Variants in GLT1D1 observed in about 807,000 individuals in gnomAD.
The protein encoded by GLT1D1 is glycosyltransferase 1 domain-containing protein 1.
GLT1D1 carries 21 observed loss-of-function variants against 28.7 expected under a neutral mutation model. The observed-to-expected ratio is 0.73, with a 90% CI of 0.52 to 1.05. The LOEUF is 1.05. GLT1D1 is among the 50% of genes least tolerant of loss of function. The pLI, the probability that GLT1D1 is intolerant of heterozygous loss-of-function variation, is 0.00. For synonymous variants in GLT1D1, 147 were observed against 124.8 expected (o/e 1.18, Z -1.19); for missense variants, 343 against 330.6 (o/e 1.04, Z -0.29).
At chr12:128,912,345 C>T (rs1013994930) in intron 4 of GLT1D1, 79 bp from the exon 5 acceptor site, 27 of 874,066 alleles carry the variant, frequency 3.1e-5, no homozygotes, top group Non-Finnish European at 4.5e-5. Context: ...TTGTTAATGA[C>T]CTTCATTTTA....
chr12:128,956,304 G>A (rs1278964196), intron 6 of GLT1D1, among the ~76,000 whole-genome samples: 1 of 151,840 alleles, frequency 6.6e-6, no homozygotes, highest in Non-Finnish European at 1.5e-5. Flanking sequence ...GCCTACAGTT[G>A]GGCAAAATCA....
intron 4 of GLT1D1, among the ~76,000 whole-genome samples, chr12:128,908,516 TTTCTTTCTTTCC>T (rs1871181947): frequency 6.6e-6 from 1 of 151,120 alleles, no homozygotes; most frequent in African/African-American, 2.4e-5. Context: ...TCCTTCCTTC[TTTCTTTCTTTCC>T]TTCTTTCTTC....
intron 7 of GLT1D1, among the ~76,000 whole-genome samples, chr12:128,980,961 G>A (rs1257942381): frequency 6.6e-6 from 1 of 152,186 alleles, no homozygotes; most frequent in Non-Finnish European, 1.5e-5. Context: ...GACAGTCTGT[G>A]TCCACATGGA....
rs1039461932 is a variant in GLT1D1 at position 128,926,799 on chromosome 12, C to T, written c.376-18527C>T. 1.3e-5 allele frequency among the ~76,000 whole-genome samples: 2 copies of T among 152,058 alleles called. 1 individual carries two copies. Among genetic ancestry groups the T allele is most frequent in the Non-Finnish European group, 2.9e-5 (2 of 68,022 alleles). ...AGTTTTGGTTATTGTTTAAGGTAAT[C>T]GATACAGTCTTGGTATATTCCAAAG... is the stretch of plus-strand genomic sequence containing the variant. On this transcript the variant is annotated intron_variant, in intron 4 of 7. Coordinates refer to ENST00000281703, the MANE Select transcript of GLT1D1 (RefSeq NM_144669.3).
Position 128,965,837 on chromosome 12 carries a change from G to A in GLT1D1, c.639+8194G>A, listed in dbSNP as rs561661659. Among the ~76,000 whole-genome samples the A allele has an allele frequency of 4.6e-5, 7 of 152,142 alleles. No homozygotes were observed. In the South Asian group the frequency reaches 1.0e-3, roughly 23 times the overall value. On this transcript the variant is annotated intron_variant, in intron 7 of 7. Transcript: ENST00000281703. ...TTTAGCCTGGGTGATGGAAGTTGCC[G>A]TGAGCTGAGATCTTGCCACTGCACT...
intron 4 of GLT1D1, among the ~76,000 whole-genome samples, chr12:128,938,790 G>C (rs565859839): frequency 6.6e-6 from 1 of 152,264 alleles, no homozygotes; most frequent in South Asian, 2.1e-4. Flanking sequence ...CCCTCTGCCT[G>C]TATCTTTGAA....
intron 4 of GLT1D1, among the ~76,000 whole-genome samples, chr12:128,915,839 A>G (rs557142905): frequency 8.5e-5 from 13 of 152,384 alleles, no homozygotes; most frequent in Non-Finnish European, 1.6e-4. Context: ...TCAGTAGAAT[A>G]GAGTGAACTC....
chr12:128,916,428 T>C (rs1392381649), intron 4 of GLT1D1, among the ~76,000 whole-genome samples: 1 of 152,218 alleles, frequency 6.6e-6, no homozygotes, highest in Non-Finnish European at 1.5e-5. Context: ...TTATAAAAAA[T>C]ATCCAAACAG....
At chr12:128,943,845 CTT>C (rs1875669370) in intron 4 of GLT1D1, among the ~76,000 whole-genome samples, 1 of 152,216 alleles carries the variant, frequency 6.6e-6, no homozygotes, top group African/African-American at 2.4e-5. Context: ...CTGGAGATGT[CTT>C]TTGTGGCATC....
At chr12:128,933,265 C>A (rs1874132281) in intron 4 of GLT1D1, among the ~76,000 whole-genome samples, 1 of 152,262 alleles carries the variant, frequency 6.6e-6, no homozygotes, top group Admixed American at 6.5e-5. Context: ...GGAAGCGATG[C>A]GGGTAGACGC....
intron 4 of GLT1D1, chr12:128,906,967 A>G (rs1308315365): frequency 1.0e-5 from 7 of 702,620 alleles, no homozygotes; most frequent in Non-Finnish European, 1.8e-5. Flanking sequence ...GAGCTCCACA[A>G]GTCAGTGCAG....
chr12:128,942,184 G>A (rs1875368561), intron 4 of GLT1D1, among the ~76,000 whole-genome samples: 2 of 151,662 alleles, frequency 1.3e-5, no homozygotes, highest in South Asian at 4.2e-4. Context: ...GGTGGAGCAG[G>A]CCCTGTGAAG....
At chr12:128,958,200 G>A (rs989762409) in intron 7 of GLT1D1, among the ~76,000 whole-genome samples, 5 of 152,138 alleles carry the variant, frequency 3.3e-5, no homozygotes, top group South Asian at 2.1e-4. Context: ...CAGTGTAGGG[G>A]GCCACAGACA....
chr12:128,886,818 T>C (rs1240165257), intron 2 of GLT1D1, among the ~76,000 whole-genome samples: 3 of 152,136 alleles, frequency 2.0e-5, no homozygotes, highest in Non-Finnish European at 4.4e-5. Context: ...CACAGATTCA[T>C]GTCCTTACCA....
At chr12:128,965,913 C>T (rs1410646387) in intron 7 of GLT1D1, among the ~76,000 whole-genome samples, 1 of 127,398 alleles carries the variant, frequency 7.8e-6, no homozygotes, top group Non-Finnish European at 1.9e-5. Context: ...AAAAAGAGAA[C>T]TAGCTCCAGG....
intron 1 of GLT1D1, among the ~76,000 whole-genome samples, chr12:128,866,209 C>T (rs553611391): frequency 6.6e-6 from 1 of 151,754 alleles, no homozygotes; most frequent in African/African-American, 2.4e-5. Context: ...GCTGGGACTA[C>T]AGGTGCCTGC....
At chr12:128,950,470 T>C (rs1341157341) in intron 6 of GLT1D1, among the ~76,000 whole-genome samples, 1 of 152,212 alleles carries the variant, frequency 6.6e-6, no homozygotes, top group East Asian at 1.9e-4. Flanking sequence ...CTTGTTTGAC[T>C]TGACAGACGC....
At chr12:128,858,158 C>G (rs1227815519) in intron 1 of GLT1D1, among the ~76,000 whole-genome samples, 2 of 152,152 alleles carry the variant, frequency 1.3e-5, no homozygotes, top group East Asian at 3.8e-4. Context: ...GCCCAAATTC[C>G]TGTCTAAGGG....
intron 1 of GLT1D1, among the ~76,000 whole-genome samples, chr12:128,866,933 C>T (rs1956544256): frequency 1.3e-5 from 2 of 151,966 alleles, no homozygotes; most frequent in Admixed American, 1.3e-4. Context: ...TTCAGGTCAC[C>T]TTCTTTAGCG....
Sources: allele counts gnomAD v4.1 joint callset (sites outside exome capture counted in the v4.1 genomes callset), GRCh38; gene constraint gnomAD v4.1.1; transcripts MANE v1.5; gene names NCBI Gene and HGNC (gene_info 2026-07-23, HGNC 2026-07-21).